Variants in ATXN1 observed in about 807,000 individuals in gnomAD.
The protein encoded by ATXN1 is ataxin-1.
In ATXN1, 8 loss-of-function variants were observed where a neutral mutation model predicts 56.4. The ratio of observed to expected loss-of-function variants is 0.14; its 90% CI spans 0.08 to 0.26. The LOEUF (loss-of-function observed/expected upper bound fraction) is 0.26, where lower values mean the gene tolerates loss of function less well. ATXN1 is among the 10% of genes least tolerant of loss of function. The pLI, the probability that ATXN1 is intolerant of heterozygous loss-of-function variation, is 1.00. For missense variants in ATXN1, 987 were observed against 1,106.5 expected, an observed-to-expected ratio of 0.89 and a Z score of 1.53; for synonymous variants, 514 against 494.6, an observed-to-expected ratio of 1.04 and a Z score of -0.52.
At chr6:16,396,201 A>G (rs1183247434) in intron 6 of ATXN1, among the ~76,000 whole-genome samples, 5 of 151,570 alleles carry the variant, frequency 3.3e-5, no homozygotes, top group Non-Finnish European at 7.4e-5. Context: ...GACCATCATG[A>G]CCCTGTGTGG....
intron 2 of ATXN1, among the ~76,000 whole-genome samples, chr6:16,715,767 A>C (rs1250935969): frequency 6.6e-6 from 1 of 152,160 alleles, no homozygotes; most frequent in Non-Finnish European, 1.5e-5. Flanking sequence ...AAACCCCTAG[A>C]ATATAAGCCA....
At chr6:16,621,995 T>C (rs1243169085) in intron 3 of ATXN1, among the ~76,000 whole-genome samples, 1 of 152,154 alleles carries the variant, frequency 6.6e-6, no homozygotes, top group Non-Finnish European at 1.5e-5. Flanking sequence ...AATAACTACC[T>C]CAAAGAGTTG....
intron 6 of ATXN1, among the ~76,000 whole-genome samples, chr6:16,347,864 C>G (rs146083133): frequency 4.6e-5 from 7 of 151,908 alleles, no homozygotes; most frequent in African/African-American, 7.3e-5. Flanking sequence ...CCTTTCCACA[C>G]TGTGGAAGCT....
chr6:16,339,994 G>T (rs1761209268), intron 6 of ATXN1, among the ~76,000 whole-genome samples: 1 of 152,178 alleles, frequency 6.6e-6, no homozygotes, highest in Non-Finnish European at 1.5e-5. Context: ...TGTTGGCCAG[G>T]ATGGTCTCGA....
intron 6 of ATXN1, among the ~76,000 whole-genome samples, chr6:16,420,576 G>C (rs1276095744): frequency 6.6e-6 from 1 of 152,166 alleles, no homozygotes; most frequent in African/African-American, 2.4e-5. Flanking sequence ...GCCTAAAATG[G>C]ATAAAACTCG....
rs549267406 is a variant in ATXN1, at chr6:16,431,477, T to C, written c.-161+54495A>G. On this transcript the variant is annotated intron_variant, in intron 6 of 7. Coordinates refer to ENST00000436367, the MANE Select transcript of ATXN1 (RefSeq NM_001128164.2). ...ACTTGGAAAAGACCCTCTAAAATTC[T>C]CCAAGTACATTTTAGGGGTGAAGTT... Among the ~76,000 whole-genome samples the C allele has an allele frequency of 1.2e-4, 19 of 152,314 alleles. No homozygotes were observed. The South Asian group carries it at 2.3e-3, about 18-fold the overall frequency.
chr6:16,417,588 A>G (rs573748655), intron 6 of ATXN1, among the ~76,000 whole-genome samples: 3 of 151,980 alleles, frequency 2.0e-5, no homozygotes, highest in South Asian at 4.2e-4. Flanking sequence ...ACAGGCGCCC[A>G]CCACCATACC....
chr6:16,701,490 T>C (rs1356611269), intron 2 of ATXN1, among the ~76,000 whole-genome samples: 1 of 152,198 alleles, frequency 6.6e-6, no homozygotes, highest in Non-Finnish European at 1.5e-5. Flanking sequence ...GCCAGGGCAA[T>C]CAGGCAGGAG....
intron 6 of ATXN1, among the ~76,000 whole-genome samples, chr6:16,374,912 ATGTC>A (rs1762113308): frequency 6.6e-6 from 1 of 152,244 alleles, no homozygotes; most frequent in African/African-American, 2.4e-5. Context: ...GCCCCTGAAT[ATGTC>A]TAATTCTGTA....
At chr6:16,466,609 A>G (rs1361846817) in intron 6 of ATXN1, among the ~76,000 whole-genome samples, 2 of 152,332 alleles carry the variant, frequency 1.3e-5, no homozygotes, top group East Asian at 3.9e-4. Context: ...ATGGAAAGAC[A>G]TTCACAACTT....
At position 16,343,045 on chromosome 6, in the gene ATXN1, T is replaced by C. The variant is rs114349891; in HGVS notation, c.-160-14575A>G. 7.0e-3 allele frequency among the ~76,000 whole-genome samples: 1,063 copies of C among 152,314 alleles called. 11 individuals carry two copies. Among genetic ancestry groups the C allele is most frequent in the Middle Eastern group, 0.024 (7 of 294 alleles). ...TATTTTGTCACCAGTCAAAAATTTTTAAAAATAAGTATGTCATGGCTGGGC... is the reference window on the plus strand; with the variant it reads ...TATTTTGTCACCAGTCAAAAATTTTCAAAAATAAGTATGTCATGGCTGGGC... On this transcript the variant is annotated intron_variant, in intron 6 of 7. Coordinates refer to ENST00000436367, the MANE Select transcript of ATXN1 (RefSeq NM_001128164.2).
intron 2 of ATXN1, among the ~76,000 whole-genome samples, chr6:16,664,609 A>T (rs920944999): frequency 2.0e-5 from 3 of 152,128 alleles, no homozygotes; most frequent in Non-Finnish European, 2.9e-5. Flanking sequence ...GCACTCATCT[A>T]GGCCCAAAAT....
chr6:16,719,103 T>G (rs548868988), intron 2 of ATXN1, among the ~76,000 whole-genome samples: 54 of 152,336 alleles, frequency 3.5e-4, no homozygotes, highest in African/African-American at 1.2e-3. Context: ...GAATGATTCA[T>G]CTCCACAATA....
At chr6:16,352,451 A>G (rs929185346) in intron 6 of ATXN1, among the ~76,000 whole-genome samples, 1 of 152,162 alleles carries the variant, frequency 6.6e-6, no homozygotes, top group African/African-American at 2.4e-5. Flanking sequence ...TGTAGAAGAT[A>G]ATGTTTTAAC....
At chr6:16,495,712 A>C (rs145946476) in intron 5 of ATXN1, among the ~76,000 whole-genome samples, 2,753 of 152,106 alleles carry the variant, frequency 0.018, 45 homozygotes, top group Middle Eastern at 0.099. Context: ...AAAATACAAA[A>C]ATGAGCCAGG....
intron 6 of ATXN1, among the ~76,000 whole-genome samples, chr6:16,440,640 T>TAAAAAAAAAAAAAAAAAAAAAAAAAAAAG (rs558514541): frequency 3.3e-5 from 1 of 30,074 alleles, no homozygotes; most frequent in African/African-American, 1.8e-4. Flanking sequence ...GACCCTGTCT[T>TAAAAAAAAAAAAAAAAAAAAAAAAAAAAG]AAAAAAAAAA....
intron 3 of ATXN1, among the ~76,000 whole-genome samples, chr6:16,588,122 C>T (rs1479583597): frequency 1.3e-5 from 2 of 152,054 alleles, no homozygotes; most frequent in Non-Finnish European, 2.9e-5. Context: ...GTCTTCCTCT[C>T]CCAAATTATG....
chr6:16,390,680 T>TACA (rs60238072), intron 6 of ATXN1, among the ~76,000 whole-genome samples: 100 of 147,262 alleles, frequency 6.8e-4, no homozygotes, highest in African/African-American at 1.9e-3. Context: ...AATAAACACA[T>TACA]CACACACACA....
chr6:16,596,185 G>A (rs957258104), intron 3 of ATXN1, among the ~76,000 whole-genome samples: 5 of 151,970 alleles, frequency 3.3e-5, no homozygotes, highest in Non-Finnish European at 5.9e-5. Context: ...TTTTTGTAAA[G>A]ACGAGGTCTC....
Sources: allele counts gnomAD v4.1 joint callset (sites outside exome capture counted in the v4.1 genomes callset), GRCh38; gene constraint gnomAD v4.1.1; transcripts MANE v1.5; gene names NCBI Gene and HGNC (gene_info 2026-07-23, HGNC 2026-07-21).